Variants in IRAG1 observed in about 807,000 individuals in gnomAD.
IRAG1 encodes inositol 1,4,5-triphosphate receptor associated 1.
IRAG1 carries 62 observed loss-of-function variants against 106.2 expected under a neutral mutation model. That is an observed-to-expected ratio of 0.58 (90% confidence interval 0.48 to 0.72). The LOEUF (loss-of-function observed/expected upper bound fraction) is 0.72, where lower values mean the gene tolerates loss of function less well. IRAG1 is among the 30% of genes least tolerant of loss of function. The pLI, the probability that IRAG1 is intolerant of heterozygous loss-of-function variation, is 0.00. For missense variants in IRAG1, 1,064 were observed against 1,140.7 expected (o/e 0.93, Z 0.97); for synonymous variants, 462 against 443.9 (o/e 1.04, Z -0.51).
At position 10,670,776 on chromosome 11, in the gene IRAG1, G is replaced by C. The variant is rs571428759; in HGVS notation, c.68-18594C>G. On this transcript the variant is annotated intron_variant, in intron 1 of 20. Transcript: ENST00000423302. ...TAAGAAGAGGAAATTTGGATGTAGA[G>C]GCACCAAGGATGTGCCTATACAGAA... Among the ~76,000 whole-genome samples, 10 of 152,304 alleles carry C rather than the reference G, an allele frequency of 6.6e-5. No homozygotes were observed. In the South Asian group the frequency reaches 2.1e-3, roughly 32 times the overall value.
chr11:10,677,369 G>A (rs1860767022), intron 1 of IRAG1, among the ~76,000 whole-genome samples: 1 of 152,112 alleles, frequency 6.6e-6, no homozygotes, highest in Admixed American at 6.5e-5. Flanking sequence ...TATGACTTGA[G>A]AGTAATTTAT....
intron 15 of IRAG1, among the ~76,000 whole-genome samples, chr11:10,600,336 A>T (rs903636547): frequency 6.6e-6 from 1 of 151,718 alleles, no homozygotes; most frequent in Non-Finnish European, 1.5e-5. Flanking sequence ...CTTCAGCCAG[A>T]CTCTCACTCC....
intron 1 of IRAG1, among the ~76,000 whole-genome samples, chr11:10,678,062 GTTTA>G (rs1860846236): frequency 6.6e-6 from 1 of 151,786 alleles, no homozygotes; most frequent in Non-Finnish European, 1.5e-5. Flanking sequence ...CCCACATTTT[GTTTA>G]TTCATTCATC....
At chr11:10,594,286 C>T in intron 15 of IRAG1, 91 bp from the exon 16 acceptor site, 1 of 1,239,918 alleles carries the variant, frequency 8.1e-7, no homozygotes, top group Non-Finnish European at 1.2e-6. Context: ...TATCCATGGG[C>T]CAGAACTGGC....
intron 9 of IRAG1, among the ~76,000 whole-genome samples, chr11:10,625,538 G>T (rs1856175135): frequency 6.6e-6 from 1 of 152,042 alleles, no homozygotes; most frequent in South Asian, 2.1e-4. Context: ...GAAGGCTTGG[G>T]GGCATCACAA....
intron 10 of IRAG1, among the ~76,000 whole-genome samples, chr11:10,614,072 A>G (rs1193192144): frequency 6.6e-6 from 1 of 152,100 alleles, no homozygotes; most frequent in Admixed American, 6.5e-5. Flanking sequence ...CAAACTAGCC[A>G]ACCCTAAACA....
rs185607677 is a variant in IRAG1, at chr11:10,634,796, C to T, written c.226-725G>A. Among the ~76,000 whole-genome samples the T allele has an allele frequency of 5.6e-3, 535 of 94,722 alleles. 3 individuals are homozygous for T. Among genetic ancestry groups the T allele is most frequent in the African/African-American group, 0.021 (516 of 24,656 alleles). The allele number at this position is 94,722 out of a possible 152,430, so 62.1% of individuals were successfully genotyped here. On this transcript the variant is annotated intron_variant, in intron 2 of 20. Coordinates refer to ENST00000423302, the MANE Select transcript of IRAG1 (RefSeq NM_130385.4). ...GTGTGTGTGTGTGTGTATACAGACA[C>T]AATATTTTATTGTGTATATATTTTT...
chr11:10,600,883 T>G, intron 15 of IRAG1, 35 bp downstream of exon 15: 1 of 1,612,540 alleles, frequency 6.2e-7, no homozygotes, highest in Non-Finnish European at 8.5e-7. Flanking sequence ...GTCCACCTTG[T>G]AGGGCCAAGA....
chr11:10,679,747 C>T (rs1056675816), intron 1 of IRAG1, among the ~76,000 whole-genome samples: 1 of 152,218 alleles, frequency 6.6e-6, no homozygotes, highest in African/African-American at 2.4e-5. Flanking sequence ...GAGTTCTGTA[C>T]AACTCCAGAT....
intron 1 of IRAG1, among the ~76,000 whole-genome samples, chr11:10,668,876 T>C (rs1375008432): frequency 1.3e-5 from 2 of 152,220 alleles, no homozygotes; most frequent in Non-Finnish European, 2.9e-5. Flanking sequence ...GATGGGAAGA[T>C]GGGGTAAGTG....
chr11:10,627,943 A>G, intron 7 of IRAG1, 30 bp downstream of exon 7: 1 of 1,592,456 alleles, frequency 6.3e-7, no homozygotes, highest in South Asian at 1.1e-5. Flanking sequence ...TTGGCATAGA[A>G]ACAGCACAGC....
At chr11:10,594,269 G>T in intron 15 of IRAG1, 74 bp from the exon 16 acceptor site, 2 of 1,419,542 alleles carry the variant, frequency 1.4e-6, no homozygotes, top group Admixed American at 1.9e-5. Flanking sequence ...CAGAAACTAG[G>T]CTATCGTATC....
At chr11:10,687,896 C>A in intron 1 of IRAG1, 1 of 886,700 alleles carries the variant, frequency 1.1e-6, no homozygotes, top group Non-Finnish European at 1.5e-6. Context: ...TGGTATTTAA[C>A]TTTGTAAAAT....
At chr11:10,640,708 C>A (rs950157543) in intron 2 of IRAG1, among the ~76,000 whole-genome samples, 7 of 152,144 alleles carry the variant, frequency 4.6e-5, no homozygotes, top group Non-Finnish European at 1.0e-4. Context: ...ACAAGGCAGG[C>A]CTTCAAGAAA....
chr11:10,628,064 C>G lies in IRAG1; in HGVS notation c.653-39G>C. The G allele has an allele frequency of 6.2e-7, 1 of 1,609,400 alleles. No individual in the cohort carries two copies. On this transcript the variant is annotated intron_variant, in intron 6 of 20. Transcript: ENST00000423302. The surrounding 1 kb of genome is among the most constrained non-coding windows in gnomAD (Gnocchi z 4.1). Reference sequence around the variant, plus strand: ...GACACTAGTGAGTGAGGCCCAGCAGCCCAGGCCCTCAGCTGTGCTTTCAGC... The same window carrying G: ...GACACTAGTGAGTGAGGCCCAGCAGGCCAGGCCCTCAGCTGTGCTTTCAGC...
At chr11:10,600,808 G>A (rs1591585468) in intron 15 of IRAG1, 110 bp downstream of exon 15, 1 of 1,423,302 alleles carries the variant, frequency 7.0e-7, no homozygotes, top group South Asian at 1.4e-5. Context: ...CAGGAGTGCT[G>A]CTCAACTGGA....
At position 10,573,604 on chromosome 11, in the gene IRAG1, T is replaced by C. The variant is rs1039528626; in HGVS notation, c.*2728A>G. On this transcript the variant is annotated 3_prime_UTR_variant, in exon 21 of 21. Transcript: ENST00000423302. ...AGATGTCCTTTTCCTCGACCTCCCT[T>C]GCTTACAAATGGAATAGGGTGGGAG... The C allele has an allele frequency of 2.0e-5, 3 of 152,260 alleles. No homozygotes were observed. Among genetic ancestry groups the C allele is most frequent in the Non-Finnish European group, 4.4e-5 (3 of 68,076 alleles). 9.4% of individuals were successfully genotyped at this position (152,260 alleles called of 1,614,324 possible).
At position 10,628,733 on chromosome 11, in the gene IRAG1, CG is replaced by C; in HGVS notation, c.652+17del. 6.6e-7 allele frequency: 1 copy of C among 1,519,340 alleles called. No homozygotes were observed. The highest frequency in any genetic ancestry group is 1.4e-5 in the African/African-American group (1 of 70,176). 94.1% of individuals were successfully genotyped at this position (1,519,340 alleles called of 1,614,324 possible). Reference sequence around the variant, plus strand: ...AGCGAGAGGCAGGGCAGGAAGTCCCCGGGCAGCTGGGCCTCACCTGGCGGGG... The same window carrying C: ...AGCGAGAGGCAGGGCAGGAAGTCCCCGGCAGCTGGGCCTCACCTGGCGGGG... On this transcript the variant is annotated intron_variant, in intron 6 of 20. Transcript: ENST00000423302. The surrounding 1 kb of genome is among the most constrained non-coding windows in gnomAD (Gnocchi z 4.1).
rs1054327966 is a variant in IRAG1, at chr11:10,686,762, T to C, written c.67+6774A>G. 7.2e-5 allele frequency among the ~76,000 whole-genome samples: 11 copies of C among 152,302 alleles called. No homozygotes were observed. The East Asian group carries it at 9.7e-4, about 13-fold the overall frequency. Reference sequence around the variant, plus strand: ...CTCATTCTTCTCATACTAGTTACTATCCTCCTTGAATCAGTTTGTTCACAA... The same window carrying C: ...CTCATTCTTCTCATACTAGTTACTACCCTCCTTGAATCAGTTTGTTCACAA... On this transcript the variant is annotated intron_variant, in intron 1 of 20. Transcript: ENST00000423302.
Sources: allele counts gnomAD v4.1 joint callset (sites outside exome capture counted in the v4.1 genomes callset), GRCh38; gene constraint gnomAD v4.1.1; non-coding constraint Gnocchi (gnomAD v3.1); transcripts MANE v1.5; gene names NCBI Gene and HGNC (gene_info 2026-07-23, HGNC 2026-07-21).